RAD51B: variants seen among roughly 807,000 people sequenced by gnomAD.
RAD51B encodes the protein RAD51 paralog B.
RAD51B carries 38 observed loss-of-function variants against 42.2 expected under a neutral mutation model. The ratio of observed to expected loss-of-function variants is 0.90; its 90% CI spans 0.70 to 1.18. The LOEUF (loss-of-function observed/expected upper bound fraction) is 1.18, where lower values mean the gene tolerates loss of function less well. Ranked by LOEUF, RAD51B falls within the 50% of genes most tolerant of loss-of-function variation. RAD51B has a pLI of 0.00. For missense variants in RAD51B, 373 were observed against 400.7 expected, an observed-to-expected ratio of 0.93 and a Z score of 0.59; for synonymous variants, 154 against 145.2, an observed-to-expected ratio of 1.06 and a Z score of -0.43.
At chr14:68,458,093 G>A (rs1297290264) in intron 9 of RAD51B, among the ~76,000 whole-genome samples, 2 of 152,016 alleles carry the variant, frequency 1.3e-5, no homozygotes, top group Non-Finnish European at 2.9e-5. Context: ...ATAACAACCA[G>A]AACAAAAAAT....
chr14:68,350,425 T>C (rs917275534), intron 8 of RAD51B, among the ~76,000 whole-genome samples: 1 of 152,162 alleles, frequency 6.6e-6, no homozygotes, highest in Non-Finnish European at 1.5e-5. Flanking sequence ...ATGGACCAAA[T>C]CCAGAAGTAA....
At chr14:68,605,873 A>T (rs1407587898) in intron 10 of RAD51B, among the ~76,000 whole-genome samples, 1 of 152,158 alleles carries the variant, frequency 6.6e-6, no homozygotes, top group African/African-American at 2.4e-5. Flanking sequence ...GGCTTCTGGA[A>T]TGCAGTCTCA....
intron 10 of RAD51B, among the ~76,000 whole-genome samples, chr14:68,515,443 C>CTT (rs59782915): frequency 0.16 from 8,438 of 52,460 alleles, 332 homozygotes; most frequent in Middle Eastern, 0.27. Flanking sequence ...TCTTCTTCTT[C>CTT]TTTTTTTTTT....
At chr14:68,489,068 C>T (rs1883865029) in intron 10 of RAD51B, among the ~76,000 whole-genome samples, 1 of 152,134 alleles carries the variant, frequency 6.6e-6, no homozygotes, top group Non-Finnish European at 1.5e-5. Context: ...ATTCTCCTGC[C>T]TCAGCCTCCC....
At chr14:67,886,705 T>A in intron 6 of RAD51B, 1 of 261,096 alleles carries the variant, frequency 3.8e-6, no homozygotes, top group South Asian at 1.1e-4. Flanking sequence ...TATACAAGGA[T>A]GCAAAATACC....
At chr14:68,049,286 A>G (rs1001276503) in intron 7 of RAD51B, among the ~76,000 whole-genome samples, 2 of 152,214 alleles carry the variant, frequency 1.3e-5, no homozygotes, top group Admixed American at 6.5e-5. Flanking sequence ...TAGCACACCA[A>G]CATGGCACAT....
At chr14:67,847,804 C>T (rs2041671500) in intron 4 of RAD51B, among the ~76,000 whole-genome samples, 1 of 152,136 alleles carries the variant, frequency 6.6e-6, no homozygotes, top group African/African-American at 2.4e-5. Flanking sequence ...TTTAATTGGT[C>T]AAGTGTCAAG....
chr14:68,497,204 C>G, intron 10 of RAD51B: 1 of 1,381,954 alleles, frequency 7.2e-7, no homozygotes, highest in Middle Eastern at 2.0e-4. Flanking sequence ...GCCACAGAAA[C>G]AAAATATTGG....
chr14:68,502,349 C>T (rs955571580), intron 10 of RAD51B, among the ~76,000 whole-genome samples: 5 of 152,180 alleles, frequency 3.3e-5, no homozygotes, highest in Non-Finnish European at 1.5e-5. Flanking sequence ...CTGATCAAAG[C>T]CTGCTGCAGA....
rs934081288 is a variant in RAD51B at position 67,995,186 on chromosome 14, G to A, written c.756+107982G>A. ...GCAGATCATAAGGTCAAGAGATCGAGACCATCTTGGCCAACATGGTGAAGC... is the reference window on the plus strand; with the variant it reads ...GCAGATCATAAGGTCAAGAGATCGAAACCATCTTGGCCAACATGGTGAAGC... On this transcript the variant is annotated intron_variant, in intron 7 of 10. Coordinates refer to ENST00000471583, the MANE Select transcript of RAD51B (RefSeq NM_133510.4). Among the ~76,000 whole-genome samples, 8 of 152,036 alleles carry A rather than the reference G, an allele frequency of 5.3e-5. 1 individual carries two copies. The highest frequency in any genetic ancestry group is 5.2e-4 in the Admixed American group (8 of 15,268).
chr14:68,332,068 T>G (rs890394618), intron 8 of RAD51B, among the ~76,000 whole-genome samples: 6 of 152,200 alleles, frequency 3.9e-5, no homozygotes, highest in African/African-American at 1.4e-4. Flanking sequence ...GAGTTCACAT[T>G]ATAGGCTTAC....
In RAD51B at chr14:68,514,783, AG is replaced by A. The variant is rs555935906; in HGVS notation, c.1036+46537del. Among the ~76,000 whole-genome samples, 69 of 152,348 alleles carry A rather than the reference AG, an allele frequency of 4.5e-4. 1 individual carries two copies. The South Asian group carries it at 0.014, about 32-fold the overall frequency. On this transcript the variant is annotated intron_variant, in intron 10 of 10. Transcript: ENST00000487270. ...CCCCTTCACCTGCTTAATGCATTTC[AG>A]GGGAGATTTGTTTTCAACTCCCAAA...
At chr14:67,918,997 A>G (rs889920063) in intron 7 of RAD51B, among the ~76,000 whole-genome samples, 1 of 152,204 alleles carries the variant, frequency 6.6e-6, no homozygotes, top group African/African-American at 2.4e-5. Context: ...TTGCAAGATG[A>G]TGGTGAACAA....
At position 68,559,333 on chromosome 14, in the gene RAD51B, C is replaced by T. The variant is rs949808851; in HGVS notation, c.1037-35152C>T. Among the ~76,000 whole-genome samples, 11 of 151,282 alleles carry T rather than the reference C, an allele frequency of 7.3e-5. No individual in the cohort carries two copies. The South Asian group carries it at 8.4e-4, about 12-fold the overall frequency. ...AATATAATCTGTCATACATATGACA[C>T]GATATGAATTTGTAAGTCATTAACC... On this transcript the variant is annotated intron_variant, in intron 10 of 10. Transcript: ENST00000487270.
chr14:68,445,585 T>C (rs982898707), intron 9 of RAD51B, among the ~76,000 whole-genome samples: 5 of 152,198 alleles, frequency 3.3e-5, no homozygotes, highest in Non-Finnish European at 7.3e-5. Flanking sequence ...ATTCACCAAT[T>C]TAAGGTATAA....
chr14:68,411,380 C>T (rs751801452), intron 8 of RAD51B, 44 bp from the exon 9 acceptor site: 2 of 1,542,200 alleles, frequency 1.3e-6, no homozygotes, highest in South Asian at 2.2e-5. Context: ...AATGCCATCT[C>T]AAGAAAGGGC....
intron 8 of RAD51B, among the ~76,000 whole-genome samples, chr14:68,359,911 T>A (rs1443208462): frequency 6.6e-6 from 1 of 152,222 alleles, no homozygotes; most frequent in Non-Finnish European, 1.5e-5. Context: ...TTGCCTTTGG[T>A]CTGGGTACTT....
chr14:67,895,927 G>A (rs868104092), intron 7 of RAD51B, among the ~76,000 whole-genome samples: 7 of 151,634 alleles, frequency 4.6e-5, no homozygotes, highest in African/African-American at 1.7e-4. Flanking sequence ...TGAGATTTTT[G>A]TATCACTGTT....
At chr14:68,356,261 T>G (rs532435389) in intron 8 of RAD51B, among the ~76,000 whole-genome samples, 60 of 152,044 alleles carry the variant, frequency 3.9e-4, no homozygotes, top group Non-Finnish European at 6.8e-4. Context: ...TGAAACCCCG[T>G]CTCTACTAAA....
Sources: allele counts gnomAD v4.1 joint callset (sites outside exome capture counted in the v4.1 genomes callset), GRCh38; gene constraint gnomAD v4.1.1; transcripts MANE v1.5; gene names NCBI Gene and HGNC (gene_info 2026-07-23, HGNC 2026-07-21).